PRKN: variants seen among roughly 807,000 people sequenced by gnomAD.
PRKN encodes the protein E3 ubiquitin-protein ligase parkin.
In PRKN, 56 loss-of-function variants were observed where a neutral mutation model predicts 59.5. The ratio of observed to expected loss-of-function variants is 0.94; its 90% CI spans 0.76 to 1.18. The LOEUF is 1.18. PRKN is among the 50% of genes most tolerant of loss of function. The pLI is 0.00. For synonymous variants in PRKN, 250 were observed against 222.1 expected (o/e 1.13, Z -1.12); for missense variants, 657 against 596.4 (o/e 1.10, Z -1.06).
chr6:161,708,386 T>A (rs1178264659), intron 7 of PRKN, among the ~76,000 whole-genome samples: 1 of 151,962 alleles, frequency 6.6e-6, no homozygotes, highest in Non-Finnish European at 1.5e-5. Context: ...ATTACTACTC[T>A]TTCTCTTTGC....
intron 7 of PRKN, among the ~76,000 whole-genome samples, chr6:161,743,440 G>T (rs11755920): frequency 0.27 from 40,019 of 149,070 alleles, 5,747 homozygotes; most frequent in Admixed American, 0.35. Flanking sequence ...TAGTAGAGAT[G>T]GGGTTTCACC....
At chr6:162,503,910 G>A (rs188174326) in intron 1 of PRKN, among the ~76,000 whole-genome samples, 50 of 152,290 alleles carry the variant, frequency 3.3e-4, no homozygotes, top group Middle Eastern at 3.4e-3. Flanking sequence ...TTTCAATGCC[G>A]TGCAAAAGAA....
At chr6:162,534,242 C>T (rs1448370505) in intron 1 of PRKN, among the ~76,000 whole-genome samples, 1 of 152,122 alleles carries the variant, frequency 6.6e-6, no homozygotes, top group Non-Finnish European at 1.5e-5. Flanking sequence ...AGCTCTACTC[C>T]AGTTGAACCG....
At chr6:162,040,337 A>T (rs1582940301) in intron 5 of PRKN, among the ~76,000 whole-genome samples, 2 of 151,918 alleles carry the variant, frequency 1.3e-5, no homozygotes, top group East Asian at 3.9e-4. Flanking sequence ...CATAAGTTCT[A>T]CTGTTTTCTG....
chr6:161,590,576 T>C (rs756836532), intron 7 of PRKN, among the ~76,000 whole-genome samples: 17 of 151,844 alleles, frequency 1.1e-4, no homozygotes, highest in Admixed American at 3.9e-4. Flanking sequence ...TTACTAAAAA[T>C]ACAAAAATTA....
At chr6:162,128,659 A>C (rs1781221200) in intron 4 of PRKN, among the ~76,000 whole-genome samples, 3 of 152,324 alleles carry the variant, frequency 2.0e-5, no homozygotes, top group South Asian at 4.1e-4. Context: ...TATACCTCCC[A>C]AAATTTATAT....
intron 3 of PRKN, among the ~76,000 whole-genome samples, chr6:162,237,924 C>T (rs749191011): frequency 1.1e-4 from 17 of 152,114 alleles, no homozygotes; most frequent in Admixed American, 6.5e-4. Flanking sequence ...TGTACATACA[C>T]GCAAGAACGC....
chr6:162,310,292 T>TA, intron 2 of PRKN, among the ~76,000 whole-genome samples: 1 of 152,114 alleles, frequency 6.6e-6, no homozygotes, highest in African/African-American at 2.4e-5. Flanking sequence ...ACATCTGTAA[T>TA]ACCATAATAG....
At chr6:161,909,515 A>C (rs1240113373) in intron 6 of PRKN, among the ~76,000 whole-genome samples, 1 of 152,176 alleles carries the variant, frequency 6.6e-6, no homozygotes, top group East Asian at 1.9e-4. Flanking sequence ...CACATATATT[A>C]ATGGTGGGAA....
chr6:162,031,700 T>G (rs1783648370), intron 5 of PRKN, among the ~76,000 whole-genome samples: 1 of 152,026 alleles, frequency 6.6e-6, no homozygotes. Flanking sequence ...CCAACTAATT[T>G]TGTATTTTTA....
intron 7 of PRKN, among the ~76,000 whole-genome samples, chr6:161,749,227 G>C (rs1165519172): frequency 6.6e-6 from 1 of 152,180 alleles, no homozygotes; most frequent in Non-Finnish European, 1.5e-5. Flanking sequence ...TGACAAGACT[G>C]TAACATCTTG....
intron 1 of PRKN, among the ~76,000 whole-genome samples, chr6:162,460,875 A>G (rs1791118676): frequency 6.6e-6 from 1 of 152,222 alleles, no homozygotes; most frequent in South Asian, 2.1e-4. Context: ...ATGGTATGAA[A>G]AAGGTAGACT....
intron 7 of PRKN, among the ~76,000 whole-genome samples, chr6:161,666,018 C>T (rs7771544): frequency 0.028 from 4,205 of 152,270 alleles, 164 homozygotes; most frequent in African/African-American, 0.082. Context: ...AAGACTGCAT[C>T]GCCTGGATTC....
Position 162,305,971 on chromosome 6 carries a change from G to A in PRKN, c.172-43206C>T, listed in dbSNP as rs539876194. On this transcript the variant is annotated intron_variant, in intron 2 of 11. Transcript: ENST00000366898. ...TTTTACATGTTTTAATCTTTTTCTT[G>A]CTCAATTCCCTTGACTATTTCACAA... 5.7e-4 allele frequency among the ~76,000 whole-genome samples: 86 copies of A among 151,498 alleles called. No individual in the cohort carries two copies. The South Asian group carries it at 0.018, about 31-fold the overall frequency.
At chr6:162,249,244 A>G (rs1317787307) in intron 3 of PRKN, among the ~76,000 whole-genome samples, 1 of 152,218 alleles carries the variant, frequency 6.6e-6, no homozygotes. Context: ...GCAGAAAGAA[A>G]TACTTTTACT....
chr6:161,875,091 TTA>T (rs1181273478), intron 6 of PRKN, among the ~76,000 whole-genome samples: 1 of 123,718 alleles, frequency 8.1e-6, no homozygotes, highest in Non-Finnish European at 1.5e-5. Context: ...ATATGATATA[TTA>T]TATATAAAGT....
chr6:161,965,385 T>A (rs1780538151), intron 6 of PRKN, among the ~76,000 whole-genome samples: 1 of 152,086 alleles, frequency 6.6e-6, no homozygotes, highest in Non-Finnish European at 1.5e-5. Flanking sequence ...TTTTCAAACA[T>A]GTGTCTCGAA....
At chr6:161,636,911 C>A (rs1000819414) in intron 7 of PRKN, among the ~76,000 whole-genome samples, 1 of 152,054 alleles carries the variant, frequency 6.6e-6, no homozygotes, top group African/African-American at 2.4e-5. Flanking sequence ...ACTGCCTGAG[C>A]GCTCAGGTCT....
In PRKN at chr6:161,581,658, A is replaced by C. The variant is rs977154150; in HGVS notation, c.872-12242T>G. ...GAGCAAGAGACAGGAAATAGAATGG[A>C]AGAAATGAAGGAAAAATGGAATCGC... On this transcript the variant is annotated intron_variant, in intron 7 of 11. Coordinates refer to ENST00000366898, the MANE Select transcript of PRKN (RefSeq NM_004562.3). The surrounding 1 kb of genome is among the most constrained non-coding windows in gnomAD (Gnocchi z 4.5). Among the ~76,000 whole-genome samples, 1 of 152,178 alleles carries C rather than the reference A, an allele frequency of 6.6e-6. No homozygotes were observed. The highest frequency in any genetic ancestry group is 1.9e-4 in the East Asian group (1 of 5,190).
Sources: allele counts gnomAD v4.1 joint callset (sites outside exome capture counted in the v4.1 genomes callset), GRCh38; gene constraint gnomAD v4.1.1; non-coding constraint Gnocchi (gnomAD v3.1); transcripts MANE v1.5; gene names NCBI Gene and HGNC (gene_info 2026-07-23, HGNC 2026-07-21).